Variants in SP140L observed in about 807,000 individuals in gnomAD.
SP140L encodes the protein nuclear body protein SP140-like protein.
In SP140L, 64 loss-of-function variants were observed where a neutral mutation model predicts 84.3. That is an observed-to-expected ratio of 0.76 (90% CI 0.62 to 0.94). The LOEUF is 0.94. Ranked by LOEUF, SP140L falls within the 40% of genes least tolerant of loss-of-function variation. The pLI, the probability that SP140L is intolerant of heterozygous loss-of-function variation, is 0.00. For synonymous variants in SP140L, 242 were observed against 236.9 expected (o/e 1.02, Z -0.20); for missense variants, 628 against 692.5 (o/e 0.91, Z 1.05).
chr2:230,377,318 G>GC (rs1407730474), intron 7 of SP140L, among the ~76,000 whole-genome samples: 1 of 151,940 alleles, frequency 6.6e-6, no homozygotes, highest in African/African-American at 2.4e-5. Flanking sequence ...AACCCAGGTT[G>GC]TTTTTTTTAA....
intron 7 of SP140L, among the ~76,000 whole-genome samples, chr2:230,380,427 T>A (rs567083747): frequency 6.6e-6 from 1 of 152,350 alleles, no homozygotes; most frequent in Admixed American, 6.5e-5. Context: ...TTGAAACATT[T>A]CAGGGTTGCA....
rs191663818 is a variant in SP140L at position 230,344,718 on chromosome 2, G to T, written c.108-13087G>T. 1.4e-4 allele frequency among the ~76,000 whole-genome samples: 21 copies of T among 152,028 alleles called. 1 individual carries two copies. Among genetic ancestry groups the T allele is most frequent in the Admixed American group, 9.2e-4 (14 of 15,274 alleles). ...TAGTGTTTTGTTTTCATTTTTGTTT[G>T]CCTCATAATATTTTTAAATTACCCT... On this transcript the variant is annotated intron_variant, in intron 2 of 18. Transcript: ENST00000415673.
intron 2 of SP140L, among the ~76,000 whole-genome samples, chr2:230,349,731 G>A (rs2060309171): frequency 6.6e-6 from 1 of 152,082 alleles, no homozygotes. Flanking sequence ...ACTCTAGGCT[G>A]GGCACAGTGG....
chr2:230,402,080 C>G (rs2062368018), intron 18 of SP140L, among the ~76,000 whole-genome samples: 1 of 152,222 alleles, frequency 6.6e-6, no homozygotes. Flanking sequence ...CAATTGAGTC[C>G]TGCCTGCTGC....
chr2:230,357,999 T>C, intron 3 of SP140L, 32 bp downstream of exon 3: 1 of 1,605,218 alleles, frequency 6.2e-7, no homozygotes, highest in Non-Finnish European at 8.5e-7. Flanking sequence ...ACCTGGCAGA[T>C]ATGCTTTCAT....
intron 13 of SP140L, among the ~76,000 whole-genome samples, chr2:230,394,264 G>T (rs2061951920): frequency 6.6e-6 from 1 of 151,852 alleles, no homozygotes; most frequent in Non-Finnish European, 1.5e-5. Flanking sequence ...GTAGATTCAG[G>T]ACAAGGTGAT....
At chr2:230,396,449 C>G (rs1417558667) in intron 13 of SP140L, among the ~76,000 whole-genome samples, 1 of 152,208 alleles carries the variant, frequency 6.6e-6, no homozygotes, top group Non-Finnish European at 1.5e-5. Flanking sequence ...GTGAGGCCAA[C>G]ACAGGAGTAA....
At position 230,388,485 on chromosome 2, in the gene SP140L, AT is replaced by A. The variant is rs1363275885; in HGVS notation, c.785-69del. 2.4e-6 allele frequency: 3 copies of A among 1,259,822 alleles called. No individual in the cohort carries two copies. The African/African-American group carries it at 4.6e-5, about 19-fold the overall frequency. 78.0% of individuals were successfully genotyped at this position (1,259,822 alleles called of 1,614,324 possible). A position where few individuals can be genotyped will look rare whatever the true frequency, so the allele number is the denominator to read the frequency against. ...TTTTGGAAAGTTACATTTAAATGGA[AT>A]TTTTGAAAAGCAGCAATATATGTAA... On this transcript the variant is annotated intron_variant, in intron 9 of 18. Transcript: ENST00000415673.
In SP140L at chr2:230,332,410, T is replaced by C. The variant is rs114720877; in HGVS notation, c.107+3579T>C. On this transcript the variant is annotated intron_variant, in intron 2 of 18. Transcript: ENST00000415673. ...TACTTACTTCTGTAATTTGAAAAGA[T>C]ATGCAGATACAGCTCTTTGTAATTT... is the stretch of plus-strand genomic sequence containing the variant. Among the ~76,000 whole-genome samples, 1,395 of 152,328 alleles carry C rather than the reference T, an allele frequency of 9.2e-3. 30 individuals are homozygous for C. Among genetic ancestry groups the C allele is most frequent in the African/African-American group, 0.031 (1,302 of 41,574 alleles).
chr2:230,375,326 C>T (rs1347845592), intron 7 of SP140L, among the ~76,000 whole-genome samples: 1 of 152,104 alleles, frequency 6.6e-6, no homozygotes, highest in Non-Finnish European at 1.5e-5. Context: ...TAGGTTGTTT[C>T]TATGTCTTAA....
At chr2:230,333,052 A>G (rs769110146) in intron 2 of SP140L, among the ~76,000 whole-genome samples, 9 of 152,170 alleles carry the variant, frequency 5.9e-5, no homozygotes, top group Non-Finnish European at 1.0e-4. Flanking sequence ...TTATTCTTAA[A>G]CCTCACAACT....
chr2:230,331,189 TGA>T (rs968701905), intron 2 of SP140L, among the ~76,000 whole-genome samples: 1 of 152,332 alleles, frequency 6.6e-6, no homozygotes, highest in East Asian at 1.9e-4. Context: ...TTCAATCTTT[TGA>T]GAGAGAGAAA....
intron 7 of SP140L, 88 bp from the exon 8 acceptor site, chr2:230,383,421 GA>G (rs1172472081): frequency 2.1e-5 from 29 of 1,397,202 alleles, no homozygotes; most frequent in Non-Finnish European, 2.7e-5. Flanking sequence ...ACCAAAGTAT[GA>G]AAAAATCTTG....
intron 7 of SP140L, chr2:230,371,895 G>C: frequency 2.2e-6 from 1 of 457,056 alleles, no homozygotes; most frequent in South Asian, 2.1e-5. Flanking sequence ...GATGATCCTG[G>C]GTTATGTGGT....
At chr2:230,351,988 T>C (rs1304587962) in intron 2 of SP140L, among the ~76,000 whole-genome samples, 1 of 152,228 alleles carries the variant, frequency 6.6e-6, no homozygotes, top group African/African-American at 2.4e-5. Flanking sequence ...AAGCACACCA[T>C]ACTTACATAA....
intron 7 of SP140L, among the ~76,000 whole-genome samples, chr2:230,378,573 C>T (rs1317235836): frequency 6.6e-6 from 1 of 152,186 alleles, no homozygotes; most frequent in Non-Finnish European, 1.5e-5. Flanking sequence ...TGGTTTTTCT[C>T]TGGAAATATC....
intron 10 of SP140L, among the ~76,000 whole-genome samples, chr2:230,389,198 A>G (rs1454226634): frequency 6.6e-6 from 1 of 152,102 alleles, no homozygotes; most frequent in Admixed American, 6.5e-5. Context: ...CAGTCTCAGG[A>G]CCAAAGACCG....
At chr2:230,355,211 G>A in intron 2 of SP140L, among the ~76,000 whole-genome samples, 1 of 152,144 alleles carries the variant, frequency 6.6e-6, no homozygotes, top group South Asian at 2.1e-4. Flanking sequence ...AAAATATAAA[G>A]GAAATCTATA....
At chr2:230,384,497 G>A (rs949458937) in intron 8 of SP140L, among the ~76,000 whole-genome samples, 5 of 152,176 alleles carry the variant, frequency 3.3e-5, no homozygotes, top group African/African-American at 1.2e-4. Flanking sequence ...ATTGAAAATT[G>A]TTTCTTTTCA....
Sources: gnomAD v4.1 joint callset for allele counts (sites outside exome capture counted in the v4.1 genomes callset) on GRCh38, gnomAD v4.1.1 for gene constraint, MANE v1.5 for transcripts, NCBI Gene and HGNC (gene_info 2026-07-23, HGNC 2026-07-21) for gene names.